Variants in MTA3 observed in about 807,000 individuals in gnomAD.
MTA3 encodes metastasis-associated protein MTA3.
A neutral mutation model predicts 83.5 loss-of-function variants in MTA3; 34 were observed. The observed-to-expected ratio is 0.41, with a 90% CI of 0.31 to 0.54. The LOEUF is 0.54. Among genes scored for constraint, MTA3 ranks in the 20% least tolerant of loss-of-function variants. The pLI, the probability that MTA3 is intolerant of heterozygous loss-of-function variation, is 0.33. For missense variants in MTA3, 761 were observed against 726.4 expected, an observed-to-expected ratio of 1.05 and a Z score of -0.55; for synonymous variants, 303 against 252.7, an observed-to-expected ratio of 1.20 and a Z score of -1.89.
At chr2:42,572,562 C>T (rs1011204541) in intron 2 of MTA3, among the ~76,000 whole-genome samples, 6 of 151,782 alleles carry the variant, frequency 4.0e-5, no homozygotes, top group African/African-American at 1.2e-4. Context: ...GTAACACAGA[C>T]TGTCTCGAAA....
chr2:42,555,927 C>A (rs1455348164), intron 2 of MTA3, among the ~76,000 whole-genome samples: 2 of 151,750 alleles, frequency 1.3e-5, no homozygotes, highest in South Asian at 4.2e-4. Flanking sequence ...TAAAAAGTAG[C>A]CAGACATGGT....
intron 8 of MTA3, among the ~76,000 whole-genome samples, chr2:42,671,811 G>A (rs141094672): frequency 1.7e-4 from 26 of 152,272 alleles, no homozygotes; most frequent in Non-Finnish European, 2.9e-4. Flanking sequence ...TTAGGGCCTG[G>A]AATAGGATCC....
At chr2:42,689,921 C>A (rs1692725033) in intron 9 of MTA3, among the ~76,000 whole-genome samples, 1 of 147,608 alleles carries the variant, frequency 6.8e-6, no homozygotes, top group African/African-American at 2.5e-5. Context: ...GTCTTTATTA[C>A]TTCTTTCCTT....
upstream of MTA3, among the ~76,000 whole-genome samples, chr2:42,567,889 G>C (rs1004617953): frequency 3.3e-5 from 5 of 152,194 alleles, no homozygotes; most frequent in Non-Finnish European, 7.4e-5. Flanking sequence ...TTTCCCAGCA[G>C]AACAGGCCCT....
intron 2 of MTA3, among the ~76,000 whole-genome samples, chr2:42,517,916 TG>T (rs1675226977): frequency 1.3e-5 from 2 of 149,688 alleles, no homozygotes; most frequent in South Asian, 4.2e-4. Context: ...CTGGGCGTGG[TG>T]GCTCACGCCT....
chr2:42,634,104 A>G (rs1445563496), intron 4 of MTA3, among the ~76,000 whole-genome samples: 1 of 152,108 alleles, frequency 6.6e-6, no homozygotes, highest in Non-Finnish European at 1.5e-5. Context: ...GAGGCCAGGG[A>G]TGCTGCTCAA....
At chr2:42,722,863 T>C (rs886365261) in intron 15 of MTA3, 26 bp from the exon 16 acceptor site, 5 of 1,550,368 alleles carry the variant, frequency 3.2e-6, no homozygotes, top group Non-Finnish European at 4.4e-6. Flanking sequence ...ATGTTCTGAA[T>C]TGAGAAACCT....
At chr2:42,639,441 G>A (rs1283448851) in intron 4 of MTA3, among the ~76,000 whole-genome samples, 1 of 152,012 alleles carries the variant, frequency 6.6e-6, no homozygotes, top group Non-Finnish European at 1.5e-5. Flanking sequence ...GCTAGTTAGG[G>A]TCATTTTGAA....
At chr2:42,742,793 C>T (rs1216591417) in intron 16 of MTA3, among the ~76,000 whole-genome samples, 2 of 152,126 alleles carry the variant, frequency 1.3e-5, no homozygotes, top group South Asian at 2.1e-4. Flanking sequence ...GTCCTGAGAA[C>T]TGTACATAAA....
chr2:42,638,194 T>G (rs1359432153), intron 4 of MTA3, among the ~76,000 whole-genome samples: 1 of 152,212 alleles, frequency 6.6e-6, no homozygotes, highest in Non-Finnish European at 1.5e-5. Flanking sequence ...AATATTGCTT[T>G]GTCAGCTGTT....
chr2:42,511,301 G>T (rs1286183023), intron 2 of MTA3, among the ~76,000 whole-genome samples: 1 of 151,176 alleles, frequency 6.6e-6, no homozygotes, highest in Non-Finnish European at 1.5e-5. Flanking sequence ...GTTCTTAACT[G>T]GAGATAAAAT....
At chr2:42,655,860 C>T (rs1689121588) in intron 6 of MTA3, among the ~76,000 whole-genome samples, 1 of 152,216 alleles carries the variant, frequency 6.6e-6, no homozygotes, top group Admixed American at 6.5e-5. Context: ...GCCTCGGCCT[C>T]CCAAAGTGCC....
chr2:42,590,690 G>C (rs554175429), intron 3 of MTA3, among the ~76,000 whole-genome samples: 17 of 148,078 alleles, frequency 1.1e-4, no homozygotes, highest in African/African-American at 4.3e-4. Context: ...GTGCGATCTC[G>C]GCTCACTGCA....
At position 42,676,700 on chromosome 2, in the gene MTA3, A is replaced by G. The variant is rs13414118; in HGVS notation, c.703-5701A>G. Among the ~76,000 whole-genome samples the G allele has an allele frequency of 8.4e-3, 1,279 of 152,310 alleles. 11 individuals carry two copies. The highest frequency in any genetic ancestry group is 0.013 in the Non-Finnish European group (869 of 68,026). On this transcript the variant is annotated intron_variant, in intron 8 of 16. Coordinates refer to ENST00000405094, the MANE Select transcript of MTA3 (RefSeq NM_001330442.2). ...AGGATCATCTGAGCCCAGGAGGCAG[A>G]TGTTGCAGTGAGCTGAGATCATGCC...
At chr2:42,610,731 TACTC>T (rs933582741) in intron 4 of MTA3, among the ~76,000 whole-genome samples, 7 of 152,168 alleles carry the variant, frequency 4.6e-5, no homozygotes, top group Non-Finnish European at 8.8e-5. Context: ...AATTGCTACT[TACTC>T]AGCCTTCCAG....
chr2:42,531,106 A>G (rs930586270), intron 2 of MTA3, among the ~76,000 whole-genome samples: 1 of 152,176 alleles, frequency 6.6e-6, no homozygotes, highest in Non-Finnish European at 1.5e-5. Flanking sequence ...TTGGGATTAC[A>G]TGTGTGAGCT....
At chr2:42,504,458 C>T (rs1185252509) in intron 2 of MTA3, among the ~76,000 whole-genome samples, 15 of 152,124 alleles carry the variant, frequency 9.9e-5, no homozygotes, top group Non-Finnish European at 2.9e-5. Context: ...CCATGCTGGT[C>T]TCAAACTCCT....
intron 3 of MTA3, among the ~76,000 whole-genome samples, chr2:42,594,351 C>T (rs1681429457): frequency 6.7e-6 from 1 of 149,266 alleles, no homozygotes. Flanking sequence ...ATTCTTATGC[C>T]TCAGCCTTCT....
intron 11 of MTA3, among the ~76,000 whole-genome samples, chr2:42,699,381 A>G (rs115876153): frequency 0.014 from 2,202 of 152,252 alleles, 54 homozygotes; most frequent in African/African-American, 0.049. Flanking sequence ...TATTTTTTAT[A>G]GAGACAGTGT....
Sources: allele counts gnomAD v4.1 joint callset (sites outside exome capture counted in the v4.1 genomes callset), GRCh38; gene constraint gnomAD v4.1.1; transcripts MANE v1.5; gene names NCBI Gene and HGNC (gene_info 2026-07-23, HGNC 2026-07-21).